Variants in CAMKMT observed in about 807,000 individuals in gnomAD.
CAMKMT encodes the protein CaM KMT.
In CAMKMT, 53 loss-of-function variants were observed where a neutral mutation model predicts 48.0. That is an observed-to-expected ratio of 1.10 (90% CI 0.89 to 1.39). The LOEUF (loss-of-function observed/expected upper bound fraction) is 1.39, where lower values mean the gene tolerates loss of function less well. Among genes scored for constraint, CAMKMT ranks in the 40% most tolerant of loss-of-function variants. The pLI, the probability that CAMKMT is intolerant of heterozygous loss-of-function variation, is 0.00. For synonymous variants in CAMKMT, 165 were observed against 152.3 expected, an observed-to-expected ratio of 1.08 and a Z score of -0.61; for missense variants, 428 against 402.7, an observed-to-expected ratio of 1.06 and a Z score of -0.54.
At chr2:44,492,230 T>C (rs1237782156) in intron 3 of CAMKMT, among the ~76,000 whole-genome samples, 1 of 152,178 alleles carries the variant, frequency 6.6e-6, no homozygotes, top group Non-Finnish European at 1.5e-5. Flanking sequence ...ACCAGTGTCT[T>C]CTAACATTTA....
At chr2:44,563,152 G>A (rs1051233576) in intron 3 of CAMKMT, among the ~76,000 whole-genome samples, 5 of 146,258 alleles carry the variant, frequency 3.4e-5, no homozygotes, top group South Asian at 2.2e-4. Context: ...TTAAATTATT[G>A]TTATAAAAAT....
chr2:44,400,930 GTATATATATA>G (rs755352747), intron 3 of CAMKMT: 4 of 64,252 alleles, frequency 6.2e-5, no homozygotes, highest in African/African-American at 1.8e-4. Flanking sequence ...TTATGTGTGT[GTATATATATA>G]TATATATATA....
intron 3 of CAMKMT, among the ~76,000 whole-genome samples, chr2:44,465,671 G>A (rs1486516695): frequency 1.1e-4 from 16 of 152,078 alleles, no homozygotes; most frequent in African/African-American, 3.9e-4. Flanking sequence ...CCATGGGAAC[G>A]GTGAGAGCTT....
In CAMKMT at chr2:44,665,010, A is replaced by G. The variant is rs140217549; in HGVS notation, c.377-39273A>G. Among the ~76,000 whole-genome samples the G allele has an allele frequency of 1.2e-3, 190 of 152,284 alleles. 1 individual carries two copies. The highest frequency in any genetic ancestry group is 4.2e-3 in the African/African-American group (176 of 41,560). On this transcript the variant is annotated intron_variant, in intron 3 of 10. Coordinates refer to ENST00000378494, the MANE Select transcript of CAMKMT (RefSeq NM_024766.5). ...GGAATTCTGATATAGTTGGTCTAGT[A>G]TGGGACTTAAACATTGTCAATTTTA...
intron 3 of CAMKMT, among the ~76,000 whole-genome samples, chr2:44,449,142 A>ATT (rs1275478039): frequency 6.6e-6 from 1 of 152,134 alleles, no homozygotes; most frequent in Non-Finnish European, 1.5e-5. Context: ...GTCTTAATAA[A>ATT]CCTGTTAAAG....
At chr2:44,394,097 T>C (rs779819628) in intron 3 of CAMKMT, among the ~76,000 whole-genome samples, 4 of 152,166 alleles carry the variant, frequency 2.6e-5, no homozygotes, top group Non-Finnish European at 4.4e-5. Context: ...ACAGAAGTGT[T>C]AGTACTTCGT....
chr2:44,452,510 A>G (rs1667344979), intron 3 of CAMKMT, among the ~76,000 whole-genome samples: 1 of 152,054 alleles, frequency 6.6e-6, no homozygotes, highest in African/African-American at 2.4e-5. Context: ...TCCTTTTTAA[A>G]GAAATAGATA....
intron 1 of CAMKMT, among the ~76,000 whole-genome samples, chr2:44,365,274 CT>C (rs1342611195): frequency 6.6e-6 from 1 of 152,046 alleles, no homozygotes; most frequent in Non-Finnish European, 1.5e-5. Context: ...GTCTCATGGC[CT>C]TTTACTTTAT....
At position 44,764,291 on chromosome 2, in the gene CAMKMT, C is replaced by T. The variant is rs150887062; in HGVS notation, c.763-2139C>T. Among the ~76,000 whole-genome samples the T allele has an allele frequency of 3.7e-3, 558 of 152,222 alleles. 1 individual carries two copies. The highest frequency in any genetic ancestry group is 0.013 in the African/African-American group (525 of 41,534). On this transcript the variant is annotated intron_variant, in intron 9 of 10. Coordinates refer to ENST00000378494, the MANE Select transcript of CAMKMT (RefSeq NM_024766.5). ...GACAGTGTAGCCACGTATTTTCTTA[C>T]GGGTAAGTGAGGGCGAAGGGGAGAG...
At chr2:44,691,872 C>T (rs1676674751) in intron 3 of CAMKMT, among the ~76,000 whole-genome samples, 1 of 152,072 alleles carries the variant, frequency 6.6e-6, no homozygotes, top group Non-Finnish European at 1.5e-5. Flanking sequence ...CAGGCCTCCA[C>T]CTGCCCACCT....
At chr2:44,379,862 A>G (rs1680066722) in intron 2 of CAMKMT, among the ~76,000 whole-genome samples, 1 of 151,498 alleles carries the variant, frequency 6.6e-6, no homozygotes, top group South Asian at 2.1e-4. Context: ...ATTTTTATAT[A>G]TTCTGGATAT....
At chr2:44,484,038 A>G (rs1184695406) in intron 3 of CAMKMT, among the ~76,000 whole-genome samples, 3 of 152,202 alleles carry the variant, frequency 2.0e-5, no homozygotes, top group Non-Finnish European at 4.4e-5. Flanking sequence ...TTACTCTGAA[A>G]TACCTCATAG....
Position 44,729,678 on chromosome 2 carries a change from C to G in CAMKMT, c.624-13944C>G, listed in dbSNP as rs1163899872. Among the ~76,000 whole-genome samples, 6 of 151,966 alleles carry G rather than the reference C, an allele frequency of 3.9e-5. No homozygotes were observed. The East Asian group carries it at 9.7e-4, about 24-fold the overall frequency. ...AAGTTGTGTGTGTGCTAAGGGGAAGCTGAGGTGGAAGAGTTGAGCATGTGA... is the reference window on the plus strand; with the variant it reads ...AAGTTGTGTGTGTGCTAAGGGGAAGGTGAGGTGGAAGAGTTGAGCATGTGA... On this transcript the variant is annotated intron_variant, in intron 7 of 10. Coordinates refer to ENST00000378494, the MANE Select transcript of CAMKMT (RefSeq NM_024766.5).
intron 3 of CAMKMT, among the ~76,000 whole-genome samples, chr2:44,460,528 A>G (rs187428480): frequency 1.6e-4 from 25 of 152,264 alleles, no homozygotes; most frequent in African/African-American, 6.0e-4. Flanking sequence ...ATTCTGTTGA[A>G]TTCATATTTT....
At chr2:44,735,361 G>C (rs964502096) in intron 7 of CAMKMT, among the ~76,000 whole-genome samples, 1 of 151,992 alleles carries the variant, frequency 6.6e-6, no homozygotes, top group African/African-American at 2.4e-5. Flanking sequence ...GTTACTGATG[G>C]GGTTAGATTT....
At chr2:44,594,769 A>G (rs1052219343) in intron 3 of CAMKMT, among the ~76,000 whole-genome samples, 6 of 152,236 alleles carry the variant, frequency 3.9e-5, no homozygotes, top group Admixed American at 6.5e-5. Context: ...CTTTATGACT[A>G]AAACACCAAA....
chr2:44,533,835 T>C (rs1666617920), intron 3 of CAMKMT, among the ~76,000 whole-genome samples: 1 of 152,116 alleles, frequency 6.6e-6, no homozygotes, highest in African/African-American at 2.4e-5. Flanking sequence ...ACAAAGAATA[T>C]ATAAAACATT....
intron 3 of CAMKMT, among the ~76,000 whole-genome samples, chr2:44,696,943 A>C (rs1169022568): frequency 6.6e-6 from 1 of 152,164 alleles, no homozygotes; most frequent in African/African-American, 2.4e-5. Flanking sequence ...TAAAAGAACA[A>C]TAAAAAGGTT....
At chr2:44,692,317 C>A (rs914241845) in intron 3 of CAMKMT, among the ~76,000 whole-genome samples, 2 of 152,082 alleles carry the variant, frequency 1.3e-5, no homozygotes, top group African/African-American at 4.8e-5. Flanking sequence ...TGCATTATCT[C>A]ATTTAATCCC....
Sources: gnomAD v4.1 joint callset for allele counts (sites outside exome capture counted in the v4.1 genomes callset) on GRCh38, gnomAD v4.1.1 for gene constraint, MANE v1.5 for transcripts, NCBI Gene and HGNC (gene_info 2026-07-23, HGNC 2026-07-21) for gene names.